Variants in SMIM13 observed in about 807,000 individuals in gnomAD.
SMIM13 encodes the protein small integral membrane protein 13, also known as UPF0766 protein C6orf228.
Under a neutral mutation model 5.9 loss-of-function variants are expected in SMIM13, and 3 were observed. That is an observed-to-expected ratio of 0.51 (90% CI 0.23 to 1.31). SMIM13 has a LOEUF of 1.31. Ranked by LOEUF, SMIM13 falls within the 40% of genes most tolerant of loss-of-function variation. The probability of loss-of-function intolerance (pLI) is 0.18; values close to 1 mark genes in which losing one functional copy is unlikely to be tolerated. For missense variants in SMIM13, 85 were observed against 109.9 expected (o/e 0.77, Z 1.01); for synonymous variants, 55 against 46.0 (o/e 1.19, Z -0.79).
At chr6:11,127,830 G>A (rs527619710) in intron 1 of SMIM13, among the ~76,000 whole-genome samples, 1 of 152,272 alleles carries the variant, frequency 6.6e-6, no homozygotes, top group East Asian at 1.9e-4. Context: ...AGCTTGTGGT[G>A]AGATTTGGGT....
At chr6:11,100,692 A>G (rs937432734) in intron 1 of SMIM13, among the ~76,000 whole-genome samples, 1 of 151,946 alleles carries the variant, frequency 6.6e-6, no homozygotes, top group African/African-American at 2.4e-5. Flanking sequence ...GTCTCTATTT[A>G]TTTATATTTT....
chr6:11,104,303 T>TG, intron 1 of SMIM13: 1 of 1,551,678 alleles, frequency 6.4e-7, no homozygotes, highest in Non-Finnish European at 8.7e-7. Context: ...AGATTGGTAT[T>TG]GGAAGAGAGA....
At chr6:11,097,880 C>G (rs1231916645) in intron 1 of SMIM13, among the ~76,000 whole-genome samples, 1 of 152,140 alleles carries the variant, frequency 6.6e-6, no homozygotes, top group Non-Finnish European at 1.5e-5. Context: ...CTGGTAAATG[C>G]TGTGAACCTT....
intron 1 of SMIM13, chr6:11,104,343 G>T (rs1459314366): frequency 6.4e-7 from 1 of 1,551,706 alleles, no homozygotes; most frequent in African/African-American, 1.4e-5. Context: ...GATGTCTGGG[G>T]TTACATAGCC....
At chr6:11,130,987 A>G (rs1758444922) in intron 1 of SMIM13, among the ~76,000 whole-genome samples, 1 of 152,164 alleles carries the variant, frequency 6.6e-6, no homozygotes, top group South Asian at 2.1e-4. Flanking sequence ...AGTTTTTAGA[A>G]AGATTATAAT....
chr6:11,109,035 A>G (rs1758131738), intron 1 of SMIM13, among the ~76,000 whole-genome samples: 1 of 152,266 alleles, frequency 6.6e-6, no homozygotes, highest in African/African-American at 2.4e-5. Context: ...ACTCCCCTGG[A>G]TATTGTAATC....
intron 1 of SMIM13, among the ~76,000 whole-genome samples, chr6:11,095,859 G>C (rs1046333033): frequency 1.3e-5 from 2 of 152,148 alleles, no homozygotes; most frequent in African/African-American, 2.4e-5. Context: ...AAATCCTTGT[G>C]ATATGTTTGG....
intron 1 of SMIM13, among the ~76,000 whole-genome samples, chr6:11,097,404 C>T (rs1042535008): frequency 5.3e-5 from 8 of 152,118 alleles, no homozygotes; most frequent in African/African-American, 1.9e-4. Flanking sequence ...GCCTGTAATC[C>T]CAGCCCTTTG....
intron 1 of SMIM13, among the ~76,000 whole-genome samples, chr6:11,118,638 G>A (rs5027679): frequency 0.22 from 32,782 of 152,062 alleles, 3,889 homozygotes; most frequent in African/African-American, 0.31. Context: ...GTCATATTGA[G>A]GTAATAGTAT....
chr6:11,105,994 C>T (rs1758077773), intron 1 of SMIM13, among the ~76,000 whole-genome samples: 1 of 152,090 alleles, frequency 6.6e-6, no homozygotes, highest in African/African-American at 2.4e-5. Context: ...GTGCTGTTTC[C>T]TGGCAGAGTT....
intron 1 of SMIM13, among the ~76,000 whole-genome samples, chr6:11,096,342 A>G (rs1265917420): frequency 6.6e-6 from 1 of 152,220 alleles, no homozygotes; most frequent in Non-Finnish European, 1.5e-5. Flanking sequence ...GTCGCTGATC[A>G]GACAGGAGGC....
At chr6:11,117,378 A>G (rs1758256116) in intron 1 of SMIM13, among the ~76,000 whole-genome samples, 1 of 148,922 alleles carries the variant, frequency 6.7e-6, no homozygotes, top group Admixed American at 6.7e-5. Flanking sequence ...GGGTTTCACC[A>G]GGTGGCCAGG....
chr6:11,134,389 G>A lies in SMIM13; in HGVS notation c.77-14G>A, dbSNP rs1758490613. The A allele has an allele frequency of 3.9e-6, 6 of 1,543,250 alleles. No individual in the cohort carries two copies. Among genetic ancestry groups the A allele is most frequent in the Admixed American group, 2.0e-5 (1 of 49,898 alleles). On this transcript the variant is annotated splice_polypyrimidine_tract_variant and intron_variant, in intron 1 of 1. Coordinates refer to ENST00000416247, the MANE Select transcript of SMIM13 (RefSeq NM_001135575.2). The stretch of plus-strand genomic sequence containing the variant: ...TGTAATAACTTTTCTTAATGTTTTT[G>A]TCTTTCTCTGTAGGTTGGTATTTTG...
intron 1 of SMIM13, chr6:11,103,810 G>A (rs1005353681): frequency 6.4e-7 from 1 of 1,551,634 alleles, no homozygotes; most frequent in Admixed American, 2.0e-5. Flanking sequence ...AGGAGACATG[G>A]ACCAAAAAGG....
At chr6:11,108,614 C>G (rs1758123140) in intron 1 of SMIM13, among the ~76,000 whole-genome samples, 1 of 152,156 alleles carries the variant, frequency 6.6e-6, no homozygotes, top group Non-Finnish European at 1.5e-5. Flanking sequence ...AGGTGGCTGG[C>G]AGGTTTGCAG....
At chr6:11,124,837 G>A (rs1440961210) in intron 1 of SMIM13, among the ~76,000 whole-genome samples, 1 of 152,164 alleles carries the variant, frequency 6.6e-6, no homozygotes, top group Non-Finnish European at 1.5e-5. Flanking sequence ...CTTTCAGGTT[G>A]AAGAACTCCT....
At chr6:11,104,422 CT>C in intron 1 of SMIM13, 1 of 1,551,660 alleles carries the variant, frequency 6.4e-7, no homozygotes, top group East Asian at 2.4e-5. Context: ...ATATAAAAGG[CT>C]CCTTGAGTTT....
At chr6:11,123,184 G>A (rs1758332883) in intron 1 of SMIM13, among the ~76,000 whole-genome samples, 1 of 152,166 alleles carries the variant, frequency 6.6e-6, no homozygotes, top group Non-Finnish European at 1.5e-5. Flanking sequence ...TTGTGTTTTA[G>A]AAAGCTGGGG....
rs143721357 is a variant in SMIM13 at position 11,107,237 on chromosome 6, A to G, written c.76+12848A>G. Among the ~76,000 whole-genome samples the G allele has an allele frequency of 1.8e-3, 274 of 152,356 alleles. 2 individuals carry two copies. Among genetic ancestry groups the G allele is most frequent in the East Asian group, 7.7e-4 (4 of 5,192 alleles). On this transcript the variant is annotated intron_variant, in intron 1 of 1. Transcript: ENST00000416247. ...TTATGGTCTCCTGGTAGTGGCAGTA[A>G]GGAAACTGAGTTAAGGGTGGAACAC...
Sources: gnomAD v4.1 joint callset for allele counts (sites outside exome capture counted in the v4.1 genomes callset) on GRCh38, gnomAD v4.1.1 for gene constraint, MANE v1.5 for transcripts, NCBI Gene and HGNC (gene_info 2026-07-23, HGNC 2026-07-21) for gene names.